The following SCN11A variants were observed in gnomAD, a reference collection of about 807,000 sequenced individuals.
The protein encoded by SCN11A is sodium voltage-gated channel alpha subunit 11.
SCN11A carries 122 observed loss-of-function variants against 162.2 expected under a neutral mutation model. The ratio of observed to expected loss-of-function variants is 0.75; its 90% confidence interval spans 0.65 to 0.87. The LOEUF is 0.87. Among genes scored for constraint, SCN11A ranks in the 40% least tolerant of loss-of-function variants. The probability of loss-of-function intolerance (pLI) is 0.00; values close to 1 mark genes in which losing one functional copy is unlikely to be tolerated. For synonymous variants in SCN11A, 758 were observed against 751.5 expected (o/e 1.01, Z -0.14); for missense variants, 2,015 against 2,181.6 (o/e 0.92, Z 1.52).
intron 3 of SCN11A, among the ~76,000 whole-genome samples, chr3:38,954,175 T>C (rs75919011): frequency 0.062 from 9,471 of 152,294 alleles, 332 homozygotes; most frequent in Middle Eastern, 0.092. Context: ...TCATTATTGA[T>C]AGGTCTGGAT....
intron 1 of SCN11A, among the ~76,000 whole-genome samples, chr3:39,038,646 A>G (rs1004068142): frequency 1.3e-5 from 2 of 152,148 alleles, no homozygotes; most frequent in Admixed American, 1.3e-4. Context: ...ACATCCATCA[A>G]CCCAATTCCA....
At chr3:38,949,252 C>A (rs998895634) in intron 5 of SCN11A, among the ~76,000 whole-genome samples, 2 of 152,226 alleles carry the variant, frequency 1.3e-5, no homozygotes, top group African/African-American at 4.8e-5. Flanking sequence ...ATCTTCTGAG[C>A]CTTTCCTGAA....
At chr3:38,995,797 T>TTGTCTATCTATCTGTC (rs1398756748) in intron 2 of SCN11A, among the ~76,000 whole-genome samples, 33 of 108,552 alleles carry the variant, frequency 3.0e-4, no homozygotes, top group African/African-American at 1.5e-3. Context: ...TCACAATAAA[T>TTGTCTATCTATCTGTC]TGTCTATCTA....
chr3:38,913,310 T>C (rs113198280), intron 11 of SCN11A, among the ~76,000 whole-genome samples: 2 of 152,204 alleles, frequency 1.3e-5, no homozygotes, highest in Admixed American at 6.5e-5. Context: ...TCATGTCCTT[T>C]GCCCACTTTT....
chr3:38,887,151 C>T lies in SCN11A; in HGVS notation c.2836-913G>A, dbSNP rs143038529. ...TGGTCATATGTTTTCTTAGAAGCTT[C>T]GAGAGTCAGATCCTGATAGGGACCA... On this transcript the variant is annotated intron_variant, in intron 19 of 29. Transcript: ENST00000302328. 4.7e-3 allele frequency among the ~76,000 whole-genome samples: 722 copies of T among 152,120 alleles called. 2 individuals are homozygous for T. The highest frequency in any genetic ancestry group is 6.8e-3 in the Middle Eastern group (2 of 294).
At chr3:39,028,640 G>C (rs893036702) in intron 2 of SCN11A, among the ~76,000 whole-genome samples, 5 of 152,162 alleles carry the variant, frequency 3.3e-5, no homozygotes, top group African/African-American at 1.2e-4. Flanking sequence ...AAGTGCAAGG[G>C]CATGATGACA....
chr3:38,972,625 C>T (rs535602117), intron 2 of SCN11A, among the ~76,000 whole-genome samples: 12 of 152,036 alleles, frequency 7.9e-5, no homozygotes, highest in Non-Finnish European at 1.3e-4. Context: ...CACACACACA[C>T]GCACACACTG....
intron 2 of SCN11A, among the ~76,000 whole-genome samples, chr3:38,982,254 C>T (rs983277948): frequency 1.3e-5 from 2 of 152,114 alleles, no homozygotes; most frequent in South Asian, 4.1e-4. Context: ...AATGACAGTC[C>T]CTGCTGCCTA....
In SCN11A at chr3:38,925,554, C is replaced by T. The variant is rs193274776; in HGVS notation, c.618-45G>A. 1,997 of 1,319,616 alleles carry T rather than the reference C, an allele frequency of 1.5e-3. 39 individuals are homozygous for T. In the South Asian group the frequency reaches 0.023, roughly 15 times the overall value. 81.7% of individuals were successfully genotyped at this position (1,319,616 alleles called of 1,614,324 possible). On this transcript the variant is annotated intron_variant, in intron 8 of 29. Transcript: ENST00000302328. ...GAAGGCATGGGCTTGCTCAGTCCTGCAGCTGCACTGCACATCTCCACAAAA... is the reference window on the plus strand; with the variant it reads ...GAAGGCATGGGCTTGCTCAGTCCTGTAGCTGCACTGCACATCTCCACAAAA...
chr3:38,940,004 A>G (rs1201839292), intron 7 of SCN11A, among the ~76,000 whole-genome samples: 2 of 151,014 alleles, frequency 1.3e-5, no homozygotes, highest in Non-Finnish European at 2.9e-5. Flanking sequence ...CAAAAATAGC[A>G]CACAATTTTA....
chr3:39,039,512 G>A (rs943833067), intron 1 of SCN11A, among the ~76,000 whole-genome samples: 7 of 152,024 alleles, frequency 4.6e-5, no homozygotes, highest in Non-Finnish European at 7.4e-5. Flanking sequence ...GGGGCCCTGC[G>A]GTCATTCCAC....
At chr3:38,982,303 A>C (rs1303699652) in intron 2 of SCN11A, among the ~76,000 whole-genome samples, 1 of 152,214 alleles carries the variant, frequency 6.6e-6, no homozygotes, top group African/African-American at 2.4e-5. Context: ...AGGATGCAGA[A>C]TTCCTGGAAC....
rs576923917 is a variant in SCN11A at position 38,878,278 on chromosome 3, T to A, written c.3393+1672A>T. 3.9e-5 allele frequency among the ~76,000 whole-genome samples: 6 copies of A among 152,210 alleles called. No homozygotes were observed. In the South Asian group the frequency reaches 1.2e-3, roughly 32 times the overall value. ...ATATTTTTAATGGCGATCACTAGAT[T>A]TCTAGTGAAACTATCACTAGCTTTC... On this transcript the variant is annotated intron_variant, in intron 23 of 29. Transcript: ENST00000302328.
intron 23 of SCN11A, among the ~76,000 whole-genome samples, chr3:38,874,028 CTGGGCAGATG>C (rs1419098532): frequency 6.6e-6 from 1 of 152,130 alleles, no homozygotes; most frequent in African/African-American, 2.4e-5. Flanking sequence ...CAACAGTACA[CTGGGCAGATG>C]TGTGCATTTT....
chr3:38,932,238 G>A (rs886487488), intron 7 of SCN11A, among the ~76,000 whole-genome samples: 5 of 152,180 alleles, frequency 3.3e-5, no homozygotes, highest in African/African-American at 1.2e-4. Context: ...AGTCAGGCTG[G>A]AGCCAAGATG....
chr3:38,872,120 C>A, intron 24 of SCN11A, 73 bp downstream of exon 24: 1 of 924,116 alleles, frequency 1.1e-6, no homozygotes, highest in South Asian at 1.4e-5. Context: ...GAAATCTCAG[C>A]CCAAAAAGAA....
intron 2 of SCN11A, among the ~76,000 whole-genome samples, chr3:38,963,393 GATATATAT>G (rs765572967): frequency 9.1e-4 from 51 of 56,246 alleles, no homozygotes; most frequent in African/African-American, 3.0e-3. Flanking sequence ...ATATGATGGA[GATATATAT>G]ATATATATAT....
chr3:38,890,066 C>T (rs1351793568), intron 19 of SCN11A, among the ~76,000 whole-genome samples: 2 of 151,928 alleles, frequency 1.3e-5, no homozygotes, highest in Non-Finnish European at 2.9e-5. Context: ...GTGAGTGTGG[C>T]CAAAAAGTTG....
intron 19 of SCN11A, among the ~76,000 whole-genome samples, chr3:38,893,103 C>T (rs935478466): frequency 3.3e-5 from 5 of 152,082 alleles, no homozygotes; most frequent in Non-Finnish European, 7.4e-5. Flanking sequence ...TCCAATTATA[C>T]ACTGTCTGCA....
Sources: gnomAD v4.1 joint callset for allele counts (sites outside exome capture counted in the v4.1 genomes callset) on GRCh38, gnomAD v4.1.1 for gene constraint, MANE v1.5 for transcripts, NCBI Gene and HGNC (gene_info 2026-07-23, HGNC 2026-07-21) for gene names.